The following MRPL43 variants were observed in gnomAD, a reference collection of about 807,000 sequenced individuals.
MRPL43 encodes the protein large ribosomal subunit protein mL43.
In MRPL43, 9 loss-of-function variants were observed where a neutral mutation model predicts 12.7. The observed-to-expected ratio is 0.71, with a 90% CI of 0.43 to 1.24. The LOEUF (loss-of-function observed/expected upper bound fraction) is 1.24. Ranked by LOEUF, MRPL43 falls within the 50% of genes most tolerant of loss-of-function variation. The pLI, the probability that MRPL43 is intolerant of heterozygous loss-of-function variation, is 0.00. For synonymous variants in MRPL43, 116 were observed against 96.4 expected (o/e 1.20, Z -1.19); for missense variants, 211 against 229.2 (o/e 0.92, Z 0.51).
chr10:100,985,631 G>C (rs1287742475), downstream of MRPL43: 1 of 152,588 alleles, frequency 6.6e-6, no homozygotes. Context: ...TGACTAGTCT[G>C]CTTCATCTAG....
rs188793773 is a variant in MRPL43, at chr10:100,986,631, T to C, written c.*103A>G. On this transcript the variant is annotated 3_prime_UTR_variant, in exon 3 of 3. Coordinates refer to ENST00000318364, the MANE Select transcript of MRPL43 (RefSeq NM_032112.3). ...AGCAGAACCTCTGTCAACTTGCCCA[T>C]TGATGGGTTCCATTTGCCTGGGCTT... The C allele has an allele frequency of 7.4e-6, 12 of 1,613,694 alleles. No homozygotes were observed. In the African/African-American group the frequency reaches 1.6e-4, roughly 22 times the overall value.
At chr10:100,984,148 C>T (rs1011343221), downstream of MRPL43, 2 of 1,590,366 alleles carry the variant, frequency 1.3e-6, no homozygotes, top group African/African-American at 2.7e-5. Context: ...CCTCCCAGAA[C>T]AAATGCTCTT....
At chr10:100,981,682 T>C, downstream of MRPL43, 2 of 1,089,524 alleles carry the variant, frequency 1.8e-6, no homozygotes, top group Admixed American at 2.1e-5. Flanking sequence ...CCATTATTAT[T>C]ATCCCCATGA....
chr10:100,983,309 A>C (rs1334008977), downstream of MRPL43: 1 of 1,536,064 alleles, frequency 6.5e-7, no homozygotes, highest in Non-Finnish European at 8.8e-7. Context: ...CCACAGGGCC[A>C]CCACCACCAC....
downstream of MRPL43, chr10:100,979,373 CT>C (rs1564796135): frequency 1.3e-6 from 2 of 1,589,428 alleles, no homozygotes; most frequent in Non-Finnish European, 8.6e-7. Flanking sequence ...GGAGGTCTGG[CT>C]GCAAAGTGAG....
chr10:100,980,796 G>C (rs376522749), downstream of MRPL43: 5 of 1,550,398 alleles, frequency 3.2e-6, no homozygotes, highest in South Asian at 5.0e-5. Context: ...GGACGCTGCC[G>C]ACCAACTGTC....
At chr10:100,979,742 A>G (rs950021390), downstream of MRPL43, 6 of 1,315,370 alleles carry the variant, frequency 4.6e-6, no homozygotes, top group Non-Finnish European at 6.4e-6. Flanking sequence ...CTGTGGGACT[A>G]TAGCTGGGGT....
At chr10:100,980,013 C>T, downstream of MRPL43, 1 of 1,613,804 alleles carries the variant, frequency 6.2e-7, no homozygotes. Context: ...AGGCCTGGGG[C>T]CAGTGCTGAG....
downstream of MRPL43, chr10:100,979,903 G>A: frequency 6.2e-7 from 1 of 1,614,144 alleles, no homozygotes; most frequent in East Asian, 2.2e-5. Flanking sequence ...GATCCAGGCT[G>A]TCTTTGCAGG....
At position 100,987,423 on chromosome 10, in the gene MRPL43, C is replaced by A. The variant is rs774379812; in HGVS notation, c.21G>T (p.Pro7=). Residue 7 remains proline, a synonymous_variant, in exon 1 of 3, where the codon CCG becomes CCT. Transcript: ENST00000318364. MTARGT[P]SRFLASVLHN... is the part of the protein sequence containing the mutation. The stretch of plus-strand genomic sequence containing the variant: ...GGAGAACGCTGGCCAAGAAGCGGCT[C>A]GGAGTCCCGCGCGCCGTCATAGCTA... 2.4e-5 allele frequency: 38 copies of A among 1,612,162 alleles called. No homozygotes were observed. The Admixed American group carries it at 6.3e-4, about 27-fold the overall frequency.
downstream of MRPL43, chr10:100,984,912 T>G (rs576676078): frequency 6.9e-7 from 1 of 1,452,580 alleles, no homozygotes; most frequent in Admixed American, 2.5e-5. Flanking sequence ...GCTCCAGGCA[T>G]GTCCCATCCC....
Position 100,986,423 on chromosome 10 carries a change from C to T in MRPL43, c.*311G>A, listed in dbSNP as rs1851472606. 6.7e-7 allele frequency: 1 copy of T among 1,501,962 alleles called. No individual in the cohort carries two copies. The highest frequency in any genetic ancestry group is 8.9e-7 in the Non-Finnish European group (1 of 1,127,186). The allele number at this position is 1,501,962 out of a possible 1,614,324, so 93.0% of individuals were successfully genotyped here. A position where few individuals can be genotyped will look rare whatever the true frequency, so the allele number is the denominator to read the frequency against. ...TCTTCAGAAGCCAGCCTTCAGACCT[C>T]TCACTGTGTTTTGAGATCATTATTA... On this transcript the variant is annotated 3_prime_UTR_variant, in exon 3 of 3. Transcript: ENST00000318364.
downstream of MRPL43, chr10:100,980,137 T>C: frequency 4.3e-6 from 7 of 1,614,164 alleles, no homozygotes; most frequent in South Asian, 1.1e-5. Context: ...CACAGATTCA[T>C]TGCGCAGCCA....
downstream of MRPL43, chr10:100,979,320 G>A: frequency 1.2e-6 from 2 of 1,614,124 alleles, no homozygotes; most frequent in Non-Finnish European, 1.7e-6. Context: ...CAGCATAGGG[G>A]CTGGAGCAGA....
At chr10:100,978,254 C>T, downstream of MRPL43, 2 of 1,499,796 alleles carry the variant, frequency 1.3e-6, no homozygotes, top group South Asian at 1.2e-5. Flanking sequence ...CTGTCCCTGC[C>T]TGTCTTCGGA....
downstream of MRPL43, chr10:100,979,991 C>T (rs749676557): frequency 5.0e-6 from 8 of 1,613,856 alleles, no homozygotes; most frequent in Middle Eastern, 1.6e-4. Flanking sequence ...CGGCCTGGCT[C>T]GGTGAGTGCC....
chr10:100,986,566 G>A lies in MRPL43; in HGVS notation c.*168C>T. ...GTTCACAAGGTCACTGCCCCCAGAAGCAGGCACTGGAAAGAAACAGGCAGC... is the reference window on the plus strand; with the variant it reads ...GTTCACAAGGTCACTGCCCCCAGAAACAGGCACTGGAAAGAAACAGGCAGC... On this transcript the variant is annotated 3_prime_UTR_variant, in exon 3 of 3. Coordinates refer to ENST00000318364, the MANE Select transcript of MRPL43 (RefSeq NM_032112.3). 6.3e-7 allele frequency: 1 copy of A among 1,575,588 alleles called. No homozygotes were observed. Among genetic ancestry groups the A allele is most frequent in the Non-Finnish European group, 8.6e-7 (1 of 1,160,810 alleles).
downstream of MRPL43, among the ~76,000 whole-genome samples, chr10:100,981,949 T>C (rs936876579): frequency 2.0e-5 from 3 of 151,418 alleles, no homozygotes; most frequent in South Asian, 6.3e-4. Flanking sequence ...TCCCAGCTAC[T>C]TGGAAAGCTG....
Position 100,986,815 on chromosome 10 carries a change from G to A in MRPL43, c.399C>T (p.Phe133=). Reference sequence around the variant, plus strand: ...CGCGGAACGTGGTCGGCTTGTTGGTGAAGGGGTGCCACTGGCCCTGGATGC... The same window carrying A: ...CGCGGAACGTGGTCGGCTTGTTGGTAAAGGGGTGCCACTGGCCCTGGATGC... ...NPSIQGQWHP[F]TNKPTTFRGL... The change falls in exon 3 of 3, where the codon TTC becomes TTT. Residue 133 remains phenylalanine, a synonymous_variant. Transcript: ENST00000318364. The A allele has an allele frequency of 9.3e-6, 15 of 1,613,936 alleles. No homozygotes were observed. Among genetic ancestry groups the A allele is most frequent in the Non-Finnish European group, 1.3e-5 (15 of 1,180,048 alleles).
Sources: allele counts gnomAD v4.1 joint callset (sites outside exome capture counted in the v4.1 genomes callset), GRCh38; gene constraint gnomAD v4.1.1; transcripts MANE v1.5; gene names NCBI Gene and HGNC (gene_info 2026-07-23, HGNC 2026-07-21).